Variants in ABCA13 observed in about 807,000 individuals in gnomAD.
ABCA13 encodes the protein ATP-binding cassette sub-family A member 13.
ABCA13 carries 476 observed loss-of-function variants against 478.7 expected under a neutral mutation model. That is an observed-to-expected ratio of 0.99 (90% CI 0.92 to 1.07). The LOEUF (loss-of-function observed/expected upper bound fraction) is 1.07. Ranked by LOEUF, ABCA13 falls within the 50% of genes least tolerant of loss-of-function variation. The pLI is 0.00. For synonymous variants in ABCA13, 2,252 were observed against 2,158.9 expected, an observed-to-expected ratio of 1.04 and a Z score of -1.20; for missense variants, 6,060 against 5,910.6, an observed-to-expected ratio of 1.03 and a Z score of -0.83.
chr7:48,456,762 T>G (rs1221647509), intron 43 of ABCA13, among the ~76,000 whole-genome samples: 2 of 152,156 alleles, frequency 1.3e-5, no homozygotes, highest in Non-Finnish European at 2.9e-5. Context: ...CACATTAATT[T>G]ATTTAGACAG....
At chr7:48,437,104 T>C (rs1436168258) in intron 42 of ABCA13, among the ~76,000 whole-genome samples, 1 of 152,010 alleles carries the variant, frequency 6.6e-6, no homozygotes, top group Admixed American at 6.6e-5. Flanking sequence ...CTATCCATTA[T>C]TGAGAGTGAG....
At chr7:48,455,957 G>C (rs1255214887) in intron 43 of ABCA13, among the ~76,000 whole-genome samples, 1 of 152,220 alleles carries the variant, frequency 6.6e-6, no homozygotes, top group Non-Finnish European at 1.5e-5. Context: ...CCTTAGTTTA[G>C]CGGGCTCCTC....
intron 30 of ABCA13, among the ~76,000 whole-genome samples, chr7:48,351,110 T>A (rs1441609987): frequency 1.3e-5 from 2 of 152,234 alleles, no homozygotes. Flanking sequence ...TTTTATAACA[T>A]CATGTTCTAG....
At chr7:48,424,629 T>A (rs1821171204) in intron 41 of ABCA13, among the ~76,000 whole-genome samples, 2 of 152,234 alleles carry the variant, frequency 1.3e-5, no homozygotes, top group South Asian at 4.1e-4. Context: ...AAATTCTATG[T>A]CCAGAATTCA....
intron 42 of ABCA13, among the ~76,000 whole-genome samples, chr7:48,428,461 G>A (rs533604421): frequency 6.6e-6 from 1 of 152,146 alleles, no homozygotes; most frequent in East Asian, 1.9e-4. Context: ...ACTCAGCAAG[G>A]ATCCCTGAGC....
At chr7:48,351,733 C>T (rs893659403) in intron 30 of ABCA13, among the ~76,000 whole-genome samples, 6 of 152,264 alleles carry the variant, frequency 3.9e-5, no homozygotes, top group East Asian at 1.9e-4. Flanking sequence ...GTAAGGGACA[C>T]GATTTAGCTG....
At chr7:48,394,588 C>T (rs1816567675) in intron 38 of ABCA13, among the ~76,000 whole-genome samples, 1 of 152,204 alleles carries the variant, frequency 6.6e-6, no homozygotes, top group Admixed American at 6.5e-5. Flanking sequence ...TTTCTTTCCA[C>T]CAGATAGCAA....
At chr7:48,192,171 A>G (rs1054906301) in intron 1 of ABCA13, among the ~76,000 whole-genome samples, 3 of 151,780 alleles carry the variant, frequency 2.0e-5, no homozygotes, top group Admixed American at 6.6e-5. Flanking sequence ...TTTTTGGGCT[A>G]TACCTTATAG....
At chr7:48,249,702 C>A (rs780897574) in intron 15 of ABCA13, among the ~76,000 whole-genome samples, 11 of 152,176 alleles carry the variant, frequency 7.2e-5, no homozygotes, top group African/African-American at 1.2e-4. Context: ...TCTCACTTTA[C>A]TTAGCATTAA....
intron 2 of ABCA13, among the ~76,000 whole-genome samples, chr7:48,194,293 ATGG>A (rs1797631983): frequency 1.3e-5 from 2 of 148,150 alleles, no homozygotes; most frequent in Middle Eastern, 3.5e-3. Flanking sequence ...GATGGTAATG[ATGG>A]TGATGATGAT....
intron 58 of ABCA13, 48 bp downstream of exon 58, chr7:48,594,861 C>T: frequency 6.5e-7 from 1 of 1,547,314 alleles, no homozygotes; most frequent in Non-Finnish European, 8.9e-7. Flanking sequence ...GACTGAGTAA[C>T]AAAGGTTAAG....
intron 3 of ABCA13, among the ~76,000 whole-genome samples, chr7:48,214,914 C>T (rs10240157): frequency 6.6e-6 from 1 of 152,182 alleles, no homozygotes; most frequent in African/African-American, 2.4e-5. Context: ...GCATTCACAA[C>T]TTCATTAACT....
At chr7:48,343,308 A>G (rs1444540376) in intron 29 of ABCA13, among the ~76,000 whole-genome samples, 1 of 152,110 alleles carries the variant, frequency 6.6e-6, no homozygotes, top group Non-Finnish European at 1.5e-5. Context: ...GATGGAGTGG[A>G]TTGATGGAGG....
Position 48,395,158 on chromosome 7 carries a change from A to ATGGGCATGAGGCCTCTGGAGAGTGC in ABCA13, c.11873+3022_11873+3046dup, listed in dbSNP as rs1266217085. 9.8e-5 allele frequency among the ~76,000 whole-genome samples: 15 copies of ATGGGCATGAGGCCTCTGGAGAGTGC among 152,326 alleles called. No homozygotes were observed. In the East Asian group the frequency reaches 2.7e-3, roughly 27 times the overall value. ...TTAGGTTTTGTTCCTTAGGCTGTCCATGGGCATGAGGCCTCTGGAGAGTGC... is the reference window on the plus strand; with the variant it reads ...TTAGGTTTTGTTCCTTAGGCTGTCCATGGGCATGAGGCCTCTGGAGAGTGCTGGGCATGAGGCCTCTGGAGAGTGC... On this transcript the variant is annotated intron_variant, in intron 38 of 61. Transcript: ENST00000435803.
intron 36 of ABCA13, among the ~76,000 whole-genome samples, 172 bp downstream of exon 36, chr7:48,388,131 G>C (rs1435929971): frequency 6.6e-6 from 1 of 152,136 alleles, no homozygotes; most frequent in Non-Finnish European, 1.5e-5. Context: ...ATGTGGGAAA[G>C]TATGCCATGA....
intron 47 of ABCA13, among the ~76,000 whole-genome samples, chr7:48,483,469 C>A (rs965226189): frequency 6.6e-6 from 1 of 152,208 alleles, no homozygotes; most frequent in African/African-American, 2.4e-5. Flanking sequence ...TCACTAGTTT[C>A]TTTGCTGGCC....
intron 45 of ABCA13, among the ~76,000 whole-genome samples, chr7:48,473,532 C>T (rs1266035540): frequency 6.6e-6 from 1 of 152,180 alleles, no homozygotes; most frequent in African/African-American, 2.4e-5. Context: ...CCAGTTTCTT[C>T]CTTCCTTCTC....
At chr7:48,461,454 A>G (rs1420100282) in intron 43 of ABCA13, among the ~76,000 whole-genome samples, 1 of 152,226 alleles carries the variant, frequency 6.6e-6, no homozygotes, top group African/African-American at 2.4e-5. Flanking sequence ...GTCCTTTTAC[A>G]GTCCAGTGGG....
At chr7:48,445,074 T>G (rs992495132) in intron 42 of ABCA13, among the ~76,000 whole-genome samples, 2 of 151,318 alleles carry the variant, frequency 1.3e-5, no homozygotes. Context: ...AATGGCGAGA[T>G]CTCAGCTCAC....
Sources: gnomAD v4.1 joint callset for allele counts (sites outside exome capture counted in the v4.1 genomes callset) on GRCh38, gnomAD v4.1.1 for gene constraint, MANE v1.5 for transcripts, NCBI Gene and HGNC (gene_info 2026-07-23, HGNC 2026-07-21) for gene names.